The following RYR3 variants were observed in gnomAD, a reference collection of about 807,000 sequenced individuals.
The protein encoded by RYR3 is ryanodine receptor 3.
In RYR3, 207 loss-of-function variants were observed where a neutral mutation model predicts 584.3. That is an observed-to-expected ratio of 0.35 (90% confidence interval 0.32 to 0.40). The LOEUF (loss-of-function observed/expected upper bound fraction) is 0.40, where lower values mean the gene tolerates loss of function less well. Among genes scored for constraint, RYR3 ranks in the 10% least tolerant of loss-of-function variants. RYR3 has a pLI of 1.00. For missense variants in RYR3, 5,616 were observed against 6,089.2 expected (o/e 0.92, Z 2.59); for synonymous variants, 2,416 against 2,248.5 (o/e 1.07, Z -2.11).
intron 16 of RYR3, among the ~76,000 whole-genome samples, chr15:33,593,373 C>T (rs535054669): frequency 4.6e-5 from 7 of 152,036 alleles, no homozygotes; most frequent in African/African-American, 1.7e-4. Flanking sequence ...TGGGTAGGTC[C>T]CAAAAGCTAA....
Position 33,660,271 on chromosome 15 carries a change from G to T in RYR3, c.4470G>T (p.Leu1490=). ...CAGTCCCACAGTGTCCACCTCGGCT[G>T]GACGTCCAAACCATCCAGCCCGTGC... ...KNPVPQCPPR[L]DVQTIQPVLW... is the part of the protein sequence containing the mutation. The change falls in exon 34 of 104, where the codon CTG becomes CTT. Residue 1490 remains leucine (L), a synonymous_variant. Transcript: ENST00000634891. 1.3e-6 allele frequency: 2 copies of T among 1,557,764 alleles called. No individual in the cohort carries two copies. The highest frequency in any genetic ancestry group is 1.7e-6 in the Non-Finnish European group (2 of 1,150,720).
At chr15:33,427,366 T>C (rs1258541570) in intron 1 of RYR3, among the ~76,000 whole-genome samples, 1 of 152,158 alleles carries the variant, frequency 6.6e-6, no homozygotes, top group Non-Finnish European at 1.5e-5. Context: ...CCCAGCTTCT[T>C]GGGAGGCTGA....
At chr15:33,386,331 A>C (rs2041599528) in intron 1 of RYR3, among the ~76,000 whole-genome samples, 1 of 152,226 alleles carries the variant, frequency 6.6e-6, no homozygotes, top group African/African-American at 2.4e-5. Flanking sequence ...AGAACAACTC[A>C]TAAGATGTCA....
At chr15:33,453,414 C>T (rs2047294374) in intron 1 of RYR3, among the ~76,000 whole-genome samples, 1 of 152,114 alleles carries the variant, frequency 6.6e-6, no homozygotes, top group African/African-American at 2.4e-5. Context: ...ATATTCCTAC[C>T]ATTGTATGTG....
At chr15:33,359,245 A>G (rs1272481624) in intron 1 of RYR3, among the ~76,000 whole-genome samples, 2 of 152,242 alleles carry the variant, frequency 1.3e-5, no homozygotes, top group Non-Finnish European at 2.9e-5. Context: ...TTTCAGAAAA[A>G]ATACAACAAT....
intron 1 of RYR3, among the ~76,000 whole-genome samples, chr15:33,364,380 T>C (rs1273008479): frequency 6.6e-6 from 1 of 152,222 alleles, no homozygotes; most frequent in African/African-American, 2.4e-5. Context: ...AATAAGTGAT[T>C]ATATTTTACT....
chr15:33,860,801 A>AC, intron 101 of RYR3, 142 bp downstream of exon 101: 1 of 705,908 alleles, frequency 1.4e-6, no homozygotes. Context: ...TGTTCTCTGC[A>AC]CCCTGCCATA....
chr15:33,557,403 T>G (rs1033494666), intron 10 of RYR3, among the ~76,000 whole-genome samples: 7 of 152,242 alleles, frequency 4.6e-5, no homozygotes, highest in African/African-American at 1.7e-4. Context: ...ATTGATTTTT[T>G]GAGACGGAGT....
At chr15:33,393,734 G>A (rs1460935706) in intron 1 of RYR3, among the ~76,000 whole-genome samples, 2 of 152,156 alleles carry the variant, frequency 1.3e-5, no homozygotes, top group South Asian at 2.1e-4. Flanking sequence ...GGATGCTGGC[G>A]CAGGATGACA....
At chr15:33,663,268 A>G (rs1320705354) in intron 35 of RYR3, among the ~76,000 whole-genome samples, 1 of 152,196 alleles carries the variant, frequency 6.6e-6, no homozygotes, top group East Asian at 1.9e-4. Context: ...CACGTGCATG[A>G]TCTGGAGCTG....
At chr15:33,504,392 T>A (rs1265800939) in intron 3 of RYR3, among the ~76,000 whole-genome samples, 1 of 152,218 alleles carries the variant, frequency 6.6e-6, no homozygotes, top group Non-Finnish European at 1.5e-5. Flanking sequence ...CATTTTTATA[T>A]ATTTGTCATC....
At chr15:33,329,885 G>A (rs8029532) in intron 1 of RYR3, among the ~76,000 whole-genome samples, 1 of 152,158 alleles carries the variant, frequency 6.6e-6, no homozygotes. Context: ...ATGCCAAGGA[G>A]ATAGTCATCA....
chr15:33,538,590 C>G (rs914706296), intron 5 of RYR3, among the ~76,000 whole-genome samples: 4 of 152,160 alleles, frequency 2.6e-5, no homozygotes, highest in East Asian at 1.9e-4. Flanking sequence ...GAGAGGTCTT[C>G]TGGCTGTTCA....
At chr15:33,782,201 G>A (rs912777963) in intron 65 of RYR3, among the ~76,000 whole-genome samples, 1 of 152,234 alleles carries the variant, frequency 6.6e-6, no homozygotes, top group African/African-American at 2.4e-5. Flanking sequence ...CAGTAGCAGG[G>A]TGAAATGAGG....
At chr15:33,454,263 G>A (rs2047363180) in intron 1 of RYR3, among the ~76,000 whole-genome samples, 1 of 152,244 alleles carries the variant, frequency 6.6e-6, no homozygotes, top group African/African-American at 2.4e-5. Context: ...TAACTGGCCA[G>A]AGGAGGCAGT....
chr15:33,388,050 AAC>A (rs1387886899), intron 1 of RYR3, among the ~76,000 whole-genome samples: 1 of 152,206 alleles, frequency 6.6e-6, no homozygotes, highest in African/African-American at 2.4e-5. Context: ...CTACAGAGAA[AAC>A]ACAGTTTCTG....
Position 33,662,172 on chromosome 15 carries a change from C to G in RYR3, c.4642C>G (p.Leu1548Val), listed in dbSNP as rs1209834563. 1.3e-6 allele frequency: 2 copies of G among 1,599,500 alleles called. No homozygotes were observed. Among genetic ancestry groups the G allele is most frequent in the Non-Finnish European group, 1.7e-6 (2 of 1,173,908 alleles). Residue 1548 changes from leucine (L) to valine (V), a missense_variant, in exon 35 of 104, where the codon CTC (leucine) becomes GTC (valine). Physicochemically the swap from Leu to Val is conservative, Grantham distance 32. Coordinates refer to ENST00000634891, the MANE Select transcript of RYR3 (RefSeq NM_001036.6). ...CCTCAGGTGTGTGGATATCCTGGAG[C>G]TCTGTGAGCAGGAGGACCTGATGCG... is the stretch of plus-strand genomic sequence containing the variant. Reference protein sequence around the residue: ...EENRCVDILELCEQEDLMRFH... With the variant: ...EENRCVDILEVCEQEDLMRFH...
Position 33,602,483 on chromosome 15 carries a change from G to T in RYR3, c.1923-640G>T, listed in dbSNP as rs151167296. Among the ~76,000 whole-genome samples, 84 of 152,128 alleles carry T rather than the reference G, an allele frequency of 5.5e-4. 3 individuals carry two copies. In the East Asian group the frequency reaches 0.012, roughly 21 times the overall value. Reference sequence around the variant, plus strand: ...CAAAGCTGCTATACTGAAAATAAGGGTGCTTATACCAATTGACCAAAAAAT... The same window carrying T: ...CAAAGCTGCTATACTGAAAATAAGGTTGCTTATACCAATTGACCAAAAAAT... On this transcript the variant is annotated intron_variant, in intron 17 of 103. Transcript: ENST00000634891.
chr15:33,614,333 T>A (rs2060343495), intron 19 of RYR3, among the ~76,000 whole-genome samples: 1 of 152,176 alleles, frequency 6.6e-6, no homozygotes, highest in Non-Finnish European at 1.5e-5. Context: ...TAAAAAAAAT[T>A]CTAAAGAATT....
Sources: allele counts gnomAD v4.1 joint callset (sites outside exome capture counted in the v4.1 genomes callset), GRCh38; gene constraint gnomAD v4.1.1; transcripts MANE v1.5; gene names NCBI Gene and HGNC (gene_info 2026-07-23, HGNC 2026-07-21).